Variants in NOXRED1 observed in about 807,000 individuals in gnomAD.
NOXRED1 encodes the protein NADP-dependent oxidoreductase domain-containing protein 1.
In NOXRED1, 20 loss-of-function variants were observed where a neutral mutation model predicts 30.4. The observed-to-expected ratio is 0.66, with a 90% CI of 0.46 to 0.96. The LOEUF (loss-of-function observed/expected upper bound fraction) is 0.96. Ranked by LOEUF, NOXRED1 falls within the 40% of genes least tolerant of loss-of-function variation. The pLI is 0.00. For synonymous variants in NOXRED1, 155 were observed against 168.0 expected (o/e 0.92, Z 0.60); for missense variants, 374 against 428.0 (o/e 0.87, Z 1.11).
upstream of NOXRED1, among the ~76,000 whole-genome samples, chr14:77,424,380 T>G (rs2139709930): frequency 6.6e-6 from 1 of 152,264 alleles, no homozygotes; most frequent in South Asian, 2.1e-4. Flanking sequence ...GGAGAATTGC[T>G]TGAACCTGGG....
At chr14:77,394,905 T>G in intron 5 of NOXRED1, 100 bp from the exon 6 acceptor site, 1 of 754,336 alleles carries the variant, frequency 1.3e-6, no homozygotes, top group South Asian at 1.9e-5. Context: ...CATTACCTTT[T>G]CATAAACTAG....
chr14:77,415,585 TATAGATAGATAG>T (rs35339836), intron 1 of NOXRED1, among the ~76,000 whole-genome samples: 2,452 of 145,520 alleles, frequency 0.017, 26 homozygotes, highest in Middle Eastern at 0.038. Flanking sequence ...AGAAAATACA[TATAGATAGATAG>T]ATAGATAGAT....
chr14:77,412,255 C>A (rs939714555), intron 2 of NOXRED1, among the ~76,000 whole-genome samples: 1 of 151,954 alleles, frequency 6.6e-6, no homozygotes, highest in Non-Finnish European at 1.5e-5. Flanking sequence ...TATTATACAA[C>A]CTTAAAATCT....
At chr14:77,403,697 A>G (rs1022510789) in intron 5 of NOXRED1, among the ~76,000 whole-genome samples, 1 of 152,152 alleles carries the variant, frequency 6.6e-6, no homozygotes, top group African/African-American at 2.4e-5. Context: ...AATGGAAATA[A>G]CAGGCCCACC....
intron 5 of NOXRED1, among the ~76,000 whole-genome samples, chr14:77,402,400 C>T (rs759613395): frequency 6.6e-5 from 10 of 152,014 alleles, no homozygotes; most frequent in Non-Finnish European, 1.0e-4. Flanking sequence ...CCAAGGTGAG[C>T]GGATCACCTG....
At chr14:77,410,041 G>C (rs1894603810) in intron 2 of NOXRED1, among the ~76,000 whole-genome samples, 1 of 151,942 alleles carries the variant, frequency 6.6e-6, no homozygotes, top group African/African-American at 2.4e-5. Context: ...GGCCTCAAGT[G>C]ATGCAGCTGA....
At chr14:77,415,574 A>G (rs1028733132) in intron 1 of NOXRED1, among the ~76,000 whole-genome samples, 6 of 149,760 alleles carry the variant, frequency 4.0e-5, no homozygotes, top group African/African-American at 1.5e-4. Flanking sequence ...ATCTCAAAAA[A>G]AGAAAATACA....
chr14:77,395,255 G>A (rs910127528), intron 5 of NOXRED1, among the ~76,000 whole-genome samples: 3 of 151,458 alleles, frequency 2.0e-5, no homozygotes, highest in Admixed American at 1.3e-4. Flanking sequence ...ACAGGCGCCC[G>A]CCACTACGCC....
At position 77,422,795 on chromosome 14, in the gene NOXRED1, C is replaced by T; in HGVS notation, c.95G>A (p.Gly32Glu). The change falls in exon 1 of 6, where the codon GGA (glycine) becomes GAA (glutamate). Residue 32 changes from glycine (G) to glutamate (E), a missense_variant. Gly to Glu is a moderately conservative substitution (Grantham distance 98). Coordinates refer to ENST00000380835, the MANE Select transcript of NOXRED1 (RefSeq NM_001113475.3). The part of the protein sequence containing the change: ...IWLYLQGRSR[G>E]LMIEACAHAT... ...ATGGGCACAAGCCTCGATCATCAGT[C>T]CCCGAGAACGGCCCTGCAAATACAG... 1.2e-6 allele frequency: 2 copies of T among 1,614,114 alleles called. No individual in the cohort carries two copies. The highest frequency in any genetic ancestry group is 1.7e-6 in the Non-Finnish European group (2 of 1,179,954).
rs1392499215 is a variant in NOXRED1, at chr14:77,405,934, C to T, written c.884G>A (p.Gly295Asp). The T allele has an allele frequency of 3.7e-6, 6 of 1,612,260 alleles. No individual in the cohort carries two copies. The highest frequency in any genetic ancestry group is 4.2e-6 in the Non-Finnish European group (5 of 1,178,798). ...QLTDFVSKAYGKNLSQERPFP... is the reference protein window; with the variant it reads ...QLTDFVSKAYDKNLSQERPFP... ...TTACCTTTCCTGAGACAAATTCTTG[C>T]CATAGGCTTTGCTGACAAAATCTGT... Residue 295 changes from glycine (G) to aspartate (D), a missense_variant, in exon 5 of 6, where the codon GGC becomes GAC. Gly to Asp is a moderately conservative substitution (Grantham distance 94). Transcript: ENST00000380835.
upstream of NOXRED1, among the ~76,000 whole-genome samples, chr14:77,425,308 C>T (rs1468828773): frequency 6.6e-6 from 1 of 152,194 alleles, no homozygotes; most frequent in African/African-American, 2.4e-5. Flanking sequence ...CTCTACTCCT[C>T]GGTACTTCTC....
At chr14:77,423,767 G>C (rs539018843), upstream of NOXRED1, among the ~76,000 whole-genome samples, 28 of 152,242 alleles carry the variant, frequency 1.8e-4, no homozygotes, top group African/African-American at 6.0e-4. Context: ...ATATCTTACA[G>C]ATCTTAGCAC....
At chr14:77,405,850 A>C in intron 5 of NOXRED1, 63 bp downstream of exon 5, 2 of 970,348 alleles carry the variant, frequency 2.1e-6, no homozygotes, top group Non-Finnish European at 3.3e-6. Context: ...TAAAAGAAAA[A>C]AAGCATTAAC....
chr14:77,419,678 G>C (rs1276001228), intron 1 of NOXRED1, among the ~76,000 whole-genome samples: 3 of 150,948 alleles, frequency 2.0e-5, no homozygotes, highest in South Asian at 4.2e-4. Flanking sequence ...TCGATGTCCT[G>C]ACATCGTGAT....
At chr14:77,397,820 T>C (rs1217824297) in intron 5 of NOXRED1, among the ~76,000 whole-genome samples, 1 of 149,364 alleles carries the variant, frequency 6.7e-6, no homozygotes, top group Non-Finnish European at 1.5e-5. Context: ...AAGCGGAGGT[T>C]GCAGTTAGCC....
intron 5 of NOXRED1, among the ~76,000 whole-genome samples, chr14:77,402,340 T>C (rs1894350070): frequency 6.6e-6 from 1 of 152,152 alleles, no homozygotes; most frequent in African/African-American, 2.4e-5. Flanking sequence ...AATTCAACAA[T>C]AGGAGCCGGG....
rs146941157 is a variant in NOXRED1, at chr14:77,417,385, TG to T, written c.156-3259del. Among the ~76,000 whole-genome samples, 332 of 152,358 alleles carry T rather than the reference TG, an allele frequency of 2.2e-3. 1 individual carries two copies. The highest frequency in any genetic ancestry group is 7.5e-3 in the African/African-American group (312 of 41,580). On this transcript the variant is annotated intron_variant, in intron 1 of 5. Transcript: ENST00000380835. Reference sequence around the variant, plus strand: ...GGTTGTTCTATCCATTATTGAAAGTTGGGTATTAAAATCTCCTACTATAATT... The same window carrying T: ...GGTTGTTCTATCCATTATTGAAAGTTGGTATTAAAATCTCCTACTATAATT...
In NOXRED1 at chr14:77,414,277, G is replaced by A. The variant is rs538175520; in HGVS notation, c.156-150C>T. 1.4e-4 allele frequency: 68 copies of A among 493,916 alleles called. No individual in the cohort carries two copies. The South Asian group carries it at 2.5e-3, about 18-fold the overall frequency. The allele number at this position is 493,916 out of a possible 1,614,324, so 30.6% of individuals were successfully genotyped here. Reference sequence around the variant, plus strand: ...ACTCACCGCAAGCTCCGCCTCCCAGGTTCACGCCATTCTCCTGCCTGTCTC... The same window carrying A: ...ACTCACCGCAAGCTCCGCCTCCCAGATTCACGCCATTCTCCTGCCTGTCTC... On this transcript the variant is annotated intron_variant, in intron 1 of 5. Transcript: ENST00000380835.
chr14:77,397,660 G>C (rs1894224025), intron 5 of NOXRED1, among the ~76,000 whole-genome samples: 1 of 152,116 alleles, frequency 6.6e-6, no homozygotes, highest in Non-Finnish European at 1.5e-5. Context: ...GCCAAGGCAG[G>C]CGGATCATTT....
Sources: allele counts gnomAD v4.1 joint callset (sites outside exome capture counted in the v4.1 genomes callset), GRCh38; gene constraint gnomAD v4.1.1; transcripts MANE v1.5; gene names NCBI Gene and HGNC (gene_info 2026-07-23, HGNC 2026-07-21).